Variants in IPO7 observed in about 807,000 individuals in gnomAD.
IPO7 encodes the protein importin-7.
In IPO7, 13 loss-of-function variants were observed where a neutral mutation model predicts 136.4. The observed-to-expected ratio is 0.10, with a 90% confidence interval of 0.06 to 0.15. IPO7 has a LOEUF of 0.15. Among genes scored for constraint, IPO7 ranks in the 10% least tolerant of loss-of-function variants. The pLI is 1.00. For synonymous variants in IPO7, 403 were observed against 404.4 expected (o/e 1.00, Z 0.04); for missense variants, 857 against 1,240.6 (o/e 0.69, Z 4.65).
At chr11:9,385,569 C>A (rs1854541154) in intron 1 of IPO7, among the ~76,000 whole-genome samples, 1 of 152,144 alleles carries the variant, frequency 6.6e-6, no homozygotes, top group Admixed American at 6.5e-5. Context: ...CCTTGAGTGA[C>A]CTTGGGCCAG....
Position 9,413,327 on chromosome 11 carries a change from C to A in IPO7, c.480-928C>A, listed in dbSNP as rs183357382. Among the ~76,000 whole-genome samples the A allele has an allele frequency of 2.0e-5, 3 of 152,138 alleles. No homozygotes were observed. In the East Asian group the frequency reaches 5.8e-4, roughly 29 times the overall value. On this transcript the variant is annotated intron_variant, in intron 4 of 24. Transcript: ENST00000379719. ...CCCTATGGGTTAATAGAAGAACTTA[C>A]GGTTTATGATGCTTTTAGAAATAAA...
chr11:9,442,982 T>C (rs7481379), intron 24 of IPO7, among the ~76,000 whole-genome samples: 149,643 of 152,030 alleles, frequency 0.98, 73,801 homozygotes, highest in Middle Eastern at 1. Flanking sequence ...GAGATTGCAC[T>C]ACTGTTCTCC....
Position 9,424,950 on chromosome 11 carries a change from C to G in IPO7, c.1178C>G (p.Ala393Gly). The G allele has an allele frequency of 6.3e-7, 1 of 1,591,186 alleles. No homozygotes were observed. Among genetic ancestry groups the G allele is most frequent in the Non-Finnish European group, 8.5e-7 (1 of 1,171,240 alleles). The change falls in exon 11 of 25, where the codon GCC (alanine) becomes GGC (glycine). Residue 393 changes from alanine to glycine, a missense_variant. This residue lies in a region of IPO7 where 127 missense variants were observed against 222.4 expected (regional missense o/e 0.57). Transcript: ENST00000379719. ...GATTTCATTTCTCCTACCACTGCTG[C>G]CCAGACACTTTTGTTTACAGCCTGT... Reference protein sequence around the residue: ...FEDFISPTTAAQTLLFTACSK... With the variant: ...FEDFISPTTAGQTLLFTACSK...
At chr11:9,419,559 A>AAAAAAAAAAAATATATATATAT (rs1256216265) in intron 6 of IPO7, among the ~76,000 whole-genome samples, 2 of 116,866 alleles carry the variant, frequency 1.7e-5, no homozygotes, top group African/African-American at 7.5e-5. Flanking sequence ...AAAAAAAAAA[A>AAAAAAAAAAAATATATATATAT]ATATATATAT....
chr11:9,402,978 C>T (rs1203407497), intron 1 of IPO7: 5 of 273,152 alleles, frequency 1.8e-5, no homozygotes, highest in African/African-American at 4.7e-5. Context: ...GCCAAGATTG[C>T]GTCACTGCAC....
intron 12 of IPO7, among the ~76,000 whole-genome samples, chr11:9,426,223 T>C (rs532141462): frequency 5.9e-5 from 9 of 152,204 alleles, no homozygotes; most frequent in Non-Finnish European, 1.3e-4. Context: ...GTCCACATTT[T>C]TTCTATGGAT....
At chr11:9,439,916 T>C (rs557569964) in intron 22 of IPO7, among the ~76,000 whole-genome samples, 7 of 152,218 alleles carry the variant, frequency 4.6e-5, no homozygotes, top group Non-Finnish European at 1.0e-4. Flanking sequence ...TAAAGATTTA[T>C]GGTCTTAATG....
At chr11:9,412,706 C>T (rs1854983789) in intron 4 of IPO7, among the ~76,000 whole-genome samples, 1 of 152,020 alleles carries the variant, frequency 6.6e-6, no homozygotes, top group Admixed American at 6.6e-5. Context: ...GTGGCACATG[C>T]CTGTAGTCCC....
chr11:9,403,616 G>T, intron 2 of IPO7: 1 of 424,538 alleles, frequency 2.4e-6, no homozygotes. Context: ...TTTATTAAAA[G>T]GTTCTATGTA....
chr11:9,427,363 C>T (rs78441878), intron 12 of IPO7, among the ~76,000 whole-genome samples: 5 of 151,606 alleles, frequency 3.3e-5, no homozygotes, highest in African/African-American at 9.7e-5. Context: ...TGAGTTCAAG[C>T]GATTCTCCTG....
intron 20 of IPO7, among the ~76,000 whole-genome samples, chr11:9,436,945 G>A (rs183908081): frequency 5.4e-4 from 71 of 130,534 alleles, no homozygotes; most frequent in African/African-American, 1.5e-3. Context: ...GAGTGCAGTC[G>A]CGCAATCTCA....
At chr11:9,420,884 T>G (rs1855117265) in intron 8 of IPO7, among the ~76,000 whole-genome samples, 186 bp downstream of exon 8, 1 of 152,222 alleles carries the variant, frequency 6.6e-6, no homozygotes, top group South Asian at 2.1e-4. Context: ...GGTTCTCATT[T>G]ATGTGAGTTA....
chr11:9,418,966 G>T (rs1357644675), intron 6 of IPO7, among the ~76,000 whole-genome samples: 2 of 152,142 alleles, frequency 1.3e-5, no homozygotes, highest in Admixed American at 6.6e-5. Context: ...TTGCTGAGCG[G>T]TATCCCATTG....
At chr11:9,416,455 A>G (rs184123005) in intron 5 of IPO7, among the ~76,000 whole-genome samples, 3 of 152,220 alleles carry the variant, frequency 2.0e-5, no homozygotes, top group African/African-American at 7.2e-5. Context: ...ATCATAGGGC[A>G]TAGGGAATAG....
intron 12 of IPO7, among the ~76,000 whole-genome samples, chr11:9,427,343 C>G (rs1197335270): frequency 6.6e-6 from 1 of 152,068 alleles, no homozygotes; most frequent in Non-Finnish European, 1.5e-5. Context: ...TTACTACAAC[C>G]TCCACCTCCT....
intron 24 of IPO7, 115 bp from the exon 25 acceptor site, chr11:9,444,982 G>A: frequency 1.5e-6 from 1 of 666,738 alleles, no homozygotes; most frequent in Middle Eastern, 2.5e-4. Context: ...CATGGATTTT[G>A]GAACTTCCTG....
intron 4 of IPO7, among the ~76,000 whole-genome samples, chr11:9,410,993 T>C (rs1386754607): frequency 6.6e-6 from 1 of 152,170 alleles, no homozygotes; most frequent in Non-Finnish European, 1.5e-5. Context: ...AGGAGAGAAA[T>C]ATACCATTTA....
At chr11:9,426,228 A>G (rs1264786922) in intron 12 of IPO7, among the ~76,000 whole-genome samples, 6 of 152,044 alleles carry the variant, frequency 3.9e-5, no homozygotes, top group Admixed American at 3.9e-4. Context: ...CATTTTTTCT[A>G]TGGATTTGTT....
intron 1 of IPO7, among the ~76,000 whole-genome samples, chr11:9,395,332 C>G (rs1018429143): frequency 4.4e-4 from 67 of 152,128 alleles, no homozygotes; most frequent in Non-Finnish European, 1.5e-4. Context: ...CAGCCTCCAC[C>G]TCCCAGGTTC....
Sources: allele counts gnomAD v4.1 joint callset (sites outside exome capture counted in the v4.1 genomes callset), GRCh38; gene constraint gnomAD v4.1.1; regional missense constraint gnomAD v4.1.1; transcripts MANE v1.5; gene names NCBI Gene and HGNC (gene_info 2026-07-23, HGNC 2026-07-21).